Variants in INSC observed in about 807,000 individuals in gnomAD.
INSC encodes INSC spindle orientation adaptor protein.
In INSC, 67 loss-of-function variants were observed where a neutral mutation model predicts 58.6. The ratio of observed to expected loss-of-function variants is 1.14; its 90% CI spans 0.94 to 1.40. The LOEUF (loss-of-function observed/expected upper bound fraction) is 1.40, where lower values mean the gene tolerates loss of function less well. Ranked by LOEUF, INSC falls within the 40% of genes most tolerant of loss-of-function variation. The probability of loss-of-function intolerance (pLI) is 0.00; values close to 1 mark genes in which losing one functional copy is unlikely to be tolerated. For missense variants in INSC, 714 were observed against 692.0 expected (o/e 1.03, Z -0.36); for synonymous variants, 262 against 276.1 (o/e 0.95, Z 0.51).
At chr11:15,192,477 A>G (rs957322646) in intron 6 of INSC, among the ~76,000 whole-genome samples, 1 of 152,232 alleles carries the variant, frequency 6.6e-6, no homozygotes, top group Non-Finnish European at 1.5e-5. Flanking sequence ...ACCATATTCT[A>G]TTTTGTTATG....
At chr11:15,126,039 T>C (rs2027774) in intron 1 of INSC, among the ~76,000 whole-genome samples, 57,219 of 151,996 alleles carry the variant, frequency 0.38, 11,446 homozygotes, top group East Asian at 0.6. Flanking sequence ...AGAGGTGGCA[T>C]GGGCTGGAAA....
At chr11:15,252,972 G>A in the INSC span, among the ~76,000 whole-genome samples, 1 of 152,036 alleles carries the variant, frequency 6.6e-6, no homozygotes, top group African/African-American at 2.4e-5. Context: ...ATCAAAATGA[G>A]CATACAGAAC....
At chr11:15,209,146 G>A (rs886646767) in intron 7 of INSC, among the ~76,000 whole-genome samples, 1 of 152,164 alleles carries the variant, frequency 6.6e-6, no homozygotes, top group Non-Finnish European at 1.5e-5. Context: ...CCTCAGCCTG[G>A]CACTGAAGGT....
intron 7 of INSC, among the ~76,000 whole-genome samples, chr11:15,218,557 T>A (rs997423980): frequency 6.6e-6 from 1 of 152,080 alleles, no homozygotes; most frequent in African/African-American, 2.4e-5. Context: ...ATTCTCTCTC[T>A]CTCTCTATAT....
At chr11:15,147,386 A>G (rs1471159711) in intron 1 of INSC, among the ~76,000 whole-genome samples, 1 of 152,210 alleles carries the variant, frequency 6.6e-6, no homozygotes, top group Non-Finnish European at 1.5e-5. Flanking sequence ...CTCCCTTAGC[A>G]TAGCTGACCA....
intron 7 of INSC, among the ~76,000 whole-genome samples, chr11:15,204,731 A>G (rs1479669682): frequency 6.6e-6 from 1 of 152,202 alleles, no homozygotes; most frequent in Non-Finnish European, 1.5e-5. Flanking sequence ...TTCGTGGCCA[A>G]ATTAGATCAC....
intron 1 of INSC, among the ~76,000 whole-genome samples, chr11:15,115,226 C>T (rs1847663618): frequency 2.0e-5 from 3 of 152,126 alleles, no homozygotes; most frequent in African/African-American, 2.4e-5. Context: ...TGTGGGTGAA[C>T]GAGTGTGTCA....
chr11:15,190,888 A>G (rs1425649717), intron 6 of INSC, 74 bp downstream of exon 6: 1 of 1,000,850 alleles, frequency 1.0e-6, no homozygotes, highest in Non-Finnish European at 1.6e-6. Flanking sequence ...CAATGGGAAT[A>G]GCTGGCTCAC....
intron 1 of INSC, among the ~76,000 whole-genome samples, chr11:15,145,574 C>G (rs905656145): frequency 6.6e-6 from 1 of 152,204 alleles, no homozygotes; most frequent in Non-Finnish European, 1.5e-5. Context: ...ATGCTTTAAA[C>G]AGGTCTCTTT....
intron 12 of INSC, among the ~76,000 whole-genome samples, chr11:15,243,231 A>C (rs565251128): frequency 6.6e-6 from 1 of 152,152 alleles, no homozygotes; most frequent in East Asian, 1.9e-4. Flanking sequence ...ATTCACTTGG[A>C]GCCTAGCCTG....
At chr11:15,112,896 G>A (rs1161957011), upstream of INSC, among the ~76,000 whole-genome samples, 1 of 152,060 alleles carries the variant, frequency 6.6e-6, no homozygotes, top group Non-Finnish European at 1.5e-5. Flanking sequence ...CTCATGAGCT[G>A]GGCAGAGATT....
At chr11:15,113,926 T>C (rs1847632415), upstream of INSC, among the ~76,000 whole-genome samples, 1 of 152,104 alleles carries the variant, frequency 6.6e-6, no homozygotes. Context: ...TCTCCCTGAA[T>C]ACATATTGTG....
At chr11:15,204,108 C>T (rs970672170) in intron 7 of INSC, among the ~76,000 whole-genome samples, 1 of 152,156 alleles carries the variant, frequency 6.6e-6, no homozygotes, top group Non-Finnish European at 1.5e-5. Context: ...ATGTCATGAC[C>T]ACGGTGAGAG....
At chr11:15,194,063 T>C (rs1850281770) in intron 6 of INSC, among the ~76,000 whole-genome samples, 1 of 152,170 alleles carries the variant, frequency 6.6e-6, no homozygotes, top group Non-Finnish European at 1.5e-5. Flanking sequence ...TCAAAAAGGA[T>C]GGTGGTTTTC....
intron 7 of INSC, among the ~76,000 whole-genome samples, chr11:15,208,965 A>G (rs1850917775): frequency 6.6e-6 from 1 of 152,150 alleles, no homozygotes; most frequent in African/African-American, 2.4e-5. Flanking sequence ...AGGTTTACAA[A>G]TTCAGGGCAG....
chr11:15,149,304 C>G, intron 2 of INSC, 74 bp downstream of exon 2: 1 of 1,365,676 alleles, frequency 7.3e-7, no homozygotes, highest in Non-Finnish European at 9.6e-7. Context: ...TTCCAGCATC[C>G]TGAGGCTGCA....
chr11:15,213,396 C>T (rs1182427965), intron 7 of INSC, among the ~76,000 whole-genome samples: 1 of 152,152 alleles, frequency 6.6e-6, no homozygotes, highest in Non-Finnish European at 1.5e-5. Context: ...CATCTAAGAA[C>T]CAGGCTGAGG....
the INSC span, among the ~76,000 whole-genome samples, chr11:15,267,168 G>C: frequency 6.6e-6 from 1 of 151,916 alleles, no homozygotes; most frequent in African/African-American, 2.4e-5. Flanking sequence ...CGCCAGTTTT[G>C]CTCCACTGCC....
intron 1 of INSC, among the ~76,000 whole-genome samples, chr11:15,135,776 G>A (rs2133714422): frequency 6.6e-6 from 1 of 152,316 alleles, no homozygotes; most frequent in Non-Finnish European, 1.5e-5. Context: ...ATAACAGAAT[G>A]TATAATAGAA....
Sources: allele counts gnomAD v4.1 joint callset (sites outside exome capture counted in the v4.1 genomes callset), GRCh38; gene constraint gnomAD v4.1.1; transcripts MANE v1.5; gene names NCBI Gene and HGNC (gene_info 2026-07-23, HGNC 2026-07-21).